UACA: variants seen among roughly 807,000 people sequenced by gnomAD.
UACA encodes nuclear membrane binding protein.
UACA carries 112 observed loss-of-function variants against 160.5 expected under a neutral mutation model. The observed-to-expected ratio is 0.70, with a 90% CI of 0.60 to 0.82. The LOEUF (loss-of-function observed/expected upper bound fraction) is 0.82. UACA is among the 40% of genes least tolerant of loss of function. The probability of loss-of-function intolerance (pLI) is 0.00; values close to 1 mark genes in which losing one functional copy is unlikely to be tolerated. For synonymous variants in UACA, 557 were observed against 568.4 expected (o/e 0.98, Z 0.29); for missense variants, 1,574 against 1,614.6 (o/e 0.97, Z 0.43).
intron 1 of UACA, among the ~76,000 whole-genome samples, chr15:70,729,709 T>A: frequency 7.0e-6 from 1 of 142,426 alleles, no homozygotes; most frequent in East Asian, 2.0e-4. Context: ...GCTCCCAGCG[T>A]GAGCGACGCA....
Position 70,720,860 on chromosome 15 carries a change from T to C in UACA, c.79-21200A>G, listed in dbSNP as rs534873301. On this transcript the variant is annotated intron_variant, in intron 1 of 18. Transcript: ENST00000322954. ...GTGACATGCTTTGGCAGTCATGAAG[T>C]ACTCCACTCCTGAGCAGAAGATTTA... Among the ~76,000 whole-genome samples the C allele has an allele frequency of 2.0e-5, 3 of 152,276 alleles. No individual in the cohort carries two copies. In the East Asian group the frequency reaches 5.8e-4, roughly 29 times the overall value.
intron 1 of UACA, among the ~76,000 whole-genome samples, chr15:70,704,404 T>C (rs1274333329): frequency 6.6e-6 from 1 of 152,192 alleles, no homozygotes; most frequent in African/African-American, 2.4e-5. Flanking sequence ...CTACTGCTCA[T>C]GGTCGATAAA....
chr15:70,757,374 AT>A (rs2030493531), intron 1 of UACA, among the ~76,000 whole-genome samples: 1 of 152,200 alleles, frequency 6.6e-6, no homozygotes, highest in Non-Finnish European at 1.5e-5. Flanking sequence ...TTTTTGAGAC[AT>A]TAGTAGCCTC....
intron 13 of UACA, among the ~76,000 whole-genome samples, chr15:70,673,208 AAGGCTAC>A (rs1897195592): frequency 6.6e-6 from 1 of 152,080 alleles, no homozygotes; most frequent in Non-Finnish European, 1.5e-5. Context: ...CGGGGAGGTC[AAGGCTAC>A]AGTGAGTGGT....
chr15:70,703,644 C>T (rs958864804), intron 1 of UACA, among the ~76,000 whole-genome samples: 7 of 152,000 alleles, frequency 4.6e-5, no homozygotes, highest in South Asian at 2.1e-4. Context: ...ACAGCAAAGG[C>T]GAAGGAAGAG....
chr15:70,684,720 A>C (rs1000966100), intron 7 of UACA, among the ~76,000 whole-genome samples: 2 of 151,958 alleles, frequency 1.3e-5, no homozygotes, highest in Non-Finnish European at 2.9e-5. Flanking sequence ...AGTGTTCAAC[A>C]CTACTTGAAC....
intron 1 of UACA, among the ~76,000 whole-genome samples, chr15:70,720,902 C>CAG (rs1222294678): frequency 6.6e-6 from 1 of 152,146 alleles, no homozygotes; most frequent in Non-Finnish European, 1.5e-5. Context: ...TCACAAGTTA[C>CAG]AGCCAGCCCT....
intron 11 of UACA, 102 bp from the exon 12 acceptor site, chr15:70,677,242 A>C: frequency 1.2e-6 from 1 of 832,826 alleles, no homozygotes; most frequent in Non-Finnish European, 1.9e-6. Flanking sequence ...AATGTCTTTA[A>C]GACTAGGGCC....
chr15:70,704,702 A>G (rs1595900930), intron 1 of UACA, among the ~76,000 whole-genome samples: 1 of 152,222 alleles, frequency 6.6e-6, no homozygotes, highest in African/African-American at 2.4e-5. Flanking sequence ...TGCATGGTAG[A>G]TGTTTATGCC....
At chr15:70,700,792 G>A (rs1898330210) in intron 1 of UACA, among the ~76,000 whole-genome samples, 1 of 151,804 alleles carries the variant, frequency 6.6e-6, no homozygotes, top group Non-Finnish European at 1.5e-5. Context: ...TAAATTCTGT[G>A]CTAAATCCAG....
At chr15:70,741,042 A>AAAAAT (rs533537098) in intron 1 of UACA, among the ~76,000 whole-genome samples, 2 of 152,082 alleles carry the variant, frequency 1.3e-5, no homozygotes, top group African/African-American at 4.8e-5. Context: ...AAATAAAAAT[A>AAAAAT]AAAATAAAAT....
intron 9 of UACA, among the ~76,000 whole-genome samples, chr15:70,680,257 G>A (rs931097402): frequency 1.3e-5 from 2 of 151,996 alleles, no homozygotes; most frequent in South Asian, 4.1e-4. Context: ...CTTTATTCCA[G>A]CTTAGAGATT....
In UACA at chr15:70,667,672, TTC is replaced by T; in HGVS notation, c.3010_3011del (p.Glu1004ThrfsTer13). On this transcript the variant is annotated frameshift_variant, in exon 16 of 19. Transcript: ENST00000322954. LOFTEE classifies it high-confidence loss of function. ...TCTGCTCTGATAACTGGTCTTTTAG[TTC>T]TTTCTCTGTTGCTTTAAATTTTCTC... ...CERKFKATEK[E>X]LKDQLSEQTQ... is the part of the protein sequence containing the mutation. 3 of 1,613,506 alleles carry T rather than the reference TTC, an allele frequency of 1.9e-6. No homozygotes were observed. The highest frequency in any genetic ancestry group is 2.5e-6 in the Non-Finnish European group (3 of 1,179,902).
chr15:70,718,712 A>G (rs1178813727), intron 1 of UACA, among the ~76,000 whole-genome samples: 1 of 152,178 alleles, frequency 6.6e-6, no homozygotes, highest in Non-Finnish European at 1.5e-5. Context: ...GGTAATTACT[A>G]TAACATGGCT....
intron 13 of UACA, among the ~76,000 whole-genome samples, chr15:70,672,822 C>T (rs1040017281): frequency 5.9e-5 from 9 of 151,918 alleles, no homozygotes; most frequent in Admixed American, 1.3e-4. Flanking sequence ...GAGCTGGGTG[C>T]GGTGGCTCAT....
In UACA at chr15:70,684,404, T is replaced by G; in HGVS notation, c.645A>C (p.Ala215=). Residue 215 remains alanine (A), a synonymous_variant, in exon 8 of 19, where the codon GCA becomes GCC. Transcript: ENST00000322954. The part of the protein sequence containing the change: ...MLGCEYGCRD[A]VEVLIKNGAD... ...CACCATTTTTAATTAAGACTTCTAC[T>G]GCATCTCTGCAACCATATTCGCAAC... 1 of 1,613,632 alleles carries G rather than the reference T, an allele frequency of 6.2e-7. No individual in the cohort carries two copies. The highest frequency in any genetic ancestry group is 1.1e-5 in the South Asian group (1 of 90,966).
chr15:70,719,178 G>C (rs150446363), intron 1 of UACA, among the ~76,000 whole-genome samples: 116 of 152,250 alleles, frequency 7.6e-4, no homozygotes, highest in African/African-American at 2.4e-3. Flanking sequence ...AGGGGCCTAT[G>C]TGCAAGTAAG....
intron 1 of UACA, among the ~76,000 whole-genome samples, chr15:70,755,655 A>C (rs1317019534): frequency 6.6e-6 from 1 of 150,442 alleles, no homozygotes; most frequent in Non-Finnish European, 1.5e-5. Context: ...GAGCGACAAG[A>C]GGGAGACTTA....
Position 70,757,577 on chromosome 15 carries a change from A to G in UACA, c.78+5753T>C, listed in dbSNP as rs886187759. Among the ~76,000 whole-genome samples the G allele has an allele frequency of 3.9e-5, 6 of 152,212 alleles. No individual in the cohort carries two copies. In the South Asian group the frequency reaches 1.0e-3, roughly 26 times the overall value. On this transcript the variant is annotated intron_variant, in intron 1 of 18. Transcript: ENST00000322954. ...AAACAGACACTTCCTCTTATCAGCT[A>G]TTTGGCTACCTTGAGATACAGTTCT... is the stretch of plus-strand genomic sequence containing the variant.
Sources: allele counts gnomAD v4.1 joint callset (sites outside exome capture counted in the v4.1 genomes callset), GRCh38; gene constraint gnomAD v4.1.1; transcripts MANE v1.5; gene names NCBI Gene and HGNC (gene_info 2026-07-23, HGNC 2026-07-21).